The following NHSL1 variants were observed in gnomAD, a reference collection of about 807,000 sequenced individuals.
The protein encoded by NHSL1 is NHS-like protein 1.
In NHSL1, 48 loss-of-function variants were observed where a neutral mutation model predicts 95.0. The ratio of observed to expected loss-of-function variants is 0.51; its 90% confidence interval spans 0.40 to 0.64. The LOEUF is 0.64. Among genes scored for constraint, NHSL1 ranks in the 30% least tolerant of loss-of-function variants. The probability of loss-of-function intolerance (pLI) is 0.00; values close to 1 mark genes in which losing one functional copy is unlikely to be tolerated. For missense variants in NHSL1, 1,971 were observed against 2,077.7 expected, an observed-to-expected ratio of 0.95 and a Z score of 1.00; for synonymous variants, 783 against 833.9, an observed-to-expected ratio of 0.94 and a Z score of 1.05.
At chr6:138,561,923 A>C (rs767567679) in intron 1 of NHSL1, among the ~76,000 whole-genome samples, 7 of 152,220 alleles carry the variant, frequency 4.6e-5, no homozygotes, top group Non-Finnish European at 7.3e-5. Context: ...AGCAAAAACT[A>C]AGTAAATAAA....
At chr6:138,498,837 T>C (rs1780509265) in intron 1 of NHSL1, among the ~76,000 whole-genome samples, 1 of 152,154 alleles carries the variant, frequency 6.6e-6, no homozygotes, top group Non-Finnish European at 1.5e-5. Flanking sequence ...GCTGCATATT[T>C]ATCCAAAGAA....
chr6:138,572,368 G>A (rs1167422506), exon 1 of NHSL1: 1 of 155,078 alleles, frequency 6.4e-6, no homozygotes, highest in Non-Finnish European at 1.4e-5. Context: ...CAGCTGCCCT[G>A]GTGAAGTAAC....
At chr6:138,586,238 G>A (rs1269478461) in intron 1 of NHSL1, among the ~76,000 whole-genome samples, 1 of 151,876 alleles carries the variant, frequency 6.6e-6, no homozygotes, top group Non-Finnish European at 1.5e-5. Context: ...GGAATTACAG[G>A]CACCTACCAC....
chr6:138,620,585 A>C (rs564982187), intron 1 of NHSL1, among the ~76,000 whole-genome samples: 2 of 152,238 alleles, frequency 1.3e-5, no homozygotes, highest in Non-Finnish European at 2.9e-5. Flanking sequence ...AAACAATTTT[A>C]CTAAAAATGT....
chr6:138,423,022 G>C lies in NHSL1; in HGVS notation c.*1059C>G, dbSNP rs187252085. 1.4e-5 allele frequency: 2 copies of C among 145,238 alleles called. No homozygotes were observed. The highest frequency in any genetic ancestry group is 4.1e-4 in the East Asian group (2 of 4,858). The allele number at this position is 145,238 out of a possible 1,614,324, so 9.0% of individuals were successfully genotyped here. A position where few individuals can be genotyped will look rare whatever the true frequency, so the allele number is the denominator to read the frequency against. Reference sequence around the variant, plus strand: ...ACTTTTTCTTTGGTGTAACCAAAAGGATATCCAAAAGTTAGCAAATGTTGA... The same window carrying C: ...ACTTTTTCTTTGGTGTAACCAAAAGCATATCCAAAAGTTAGCAAATGTTGA... On this transcript the variant is annotated 3_prime_UTR_variant, in exon 8 of 8. Coordinates refer to ENST00000343505, the MANE Select transcript of NHSL1 (RefSeq NM_001144060.2).
At chr6:138,425,957 A>G (rs1458417972) in intron 7 of NHSL1, among the ~76,000 whole-genome samples, 1 of 152,196 alleles carries the variant, frequency 6.6e-6, no homozygotes, top group Non-Finnish European at 1.5e-5. Flanking sequence ...CGAAGGGGCA[A>G]TCAAAGAAAG....
intron 3 of NHSL1, among the ~76,000 whole-genome samples, chr6:138,466,474 A>G (rs1023136052): frequency 1.3e-5 from 2 of 152,158 alleles, no homozygotes; most frequent in African/African-American, 4.8e-5. Context: ...TTCAATCCCA[A>G]TCACCTCTAT....
intron 1 of NHSL1, among the ~76,000 whole-genome samples, chr6:138,499,008 A>G (rs1243604882): frequency 6.6e-6 from 1 of 152,200 alleles, no homozygotes; most frequent in Non-Finnish European, 1.5e-5. Flanking sequence ...ATACTGTCCT[A>G]GAGTTACAAA....
intron 3 of NHSL1, among the ~76,000 whole-genome samples, chr6:138,470,313 AG>A (rs1778668571): frequency 1.3e-5 from 2 of 152,162 alleles, no homozygotes; most frequent in Non-Finnish European, 2.9e-5. Context: ...TTTTTGAGAA[AG>A]GGTCTCACCC....
At chr6:138,496,516 C>A (rs1780363566) in intron 1 of NHSL1, 145 bp from the exon 2 acceptor site, 2 of 776,990 alleles carry the variant, frequency 2.6e-6, no homozygotes, top group East Asian at 5.4e-5. Flanking sequence ...TAGTTTTAAT[C>A]TTAGATTCCA....
chr6:138,646,661 G>A (rs1477501894), intron 1 of NHSL1, among the ~76,000 whole-genome samples: 3 of 152,144 alleles, frequency 2.0e-5, no homozygotes, highest in African/African-American at 7.2e-5. Context: ...GAGGGTAAGG[G>A]GTGAGGGGTA....
chr6:138,654,415 C>T (rs901483852), intron 1 of NHSL1, among the ~76,000 whole-genome samples: 4 of 152,156 alleles, frequency 2.6e-5, no homozygotes, highest in African/African-American at 9.7e-5. Context: ...TCCTTTGACC[C>T]AGCAATTCTT....
intron 1 of NHSL1, among the ~76,000 whole-genome samples, chr6:138,683,892 C>T (rs1785545626): frequency 6.6e-6 from 1 of 152,150 alleles, no homozygotes; most frequent in South Asian, 2.1e-4. Context: ...CAGCATTCGT[C>T]GACAGCATCA....
chr6:138,557,033 A>AT (rs1783218173), intron 1 of NHSL1, among the ~76,000 whole-genome samples: 1 of 152,170 alleles, frequency 6.6e-6, no homozygotes. Context: ...AGTAAGTGAA[A>AT]CAAAGCAGTA....
chr6:138,428,175 G>A lies in NHSL1; in HGVS notation c.4085+1536C>T, dbSNP rs73570998. On this transcript the variant is annotated intron_variant, in intron 7 of 7. Transcript: ENST00000343505. ...AGTATCGAGTACACAGAACAACCAG[G>A]CTACGCAAATCTTCTCTGTGGATGG... Among the ~76,000 whole-genome samples the A allele has an allele frequency of 3.9e-3, 601 of 152,256 alleles. 4 individuals carry two copies. The highest frequency in any genetic ancestry group is 0.014 in the African/African-American group (562 of 41,544).
intron 1 of NHSL1, chr6:138,650,294 C>T (rs1583466032): frequency 2.8e-6 from 2 of 709,254 alleles, no homozygotes; most frequent in Middle Eastern, 2.5e-4. Flanking sequence ...GCTGGCCCTA[C>T]ATACTCAGGT....
intron 2 of NHSL1, among the ~76,000 whole-genome samples, chr6:138,483,881 G>T (rs74441104): frequency 0.012 from 1,880 of 152,194 alleles, 51 homozygotes; most frequent in African/African-American, 0.042. Context: ...GCTTGAAGGG[G>T]TACTGTAACT....
intron 5 of NHSL1, among the ~76,000 whole-genome samples, chr6:138,434,301 C>T (rs1009310530): frequency 1.1e-4 from 17 of 151,986 alleles, no homozygotes; most frequent in Non-Finnish European, 1.3e-4. Flanking sequence ...CAACAGCAAT[C>T]TGTTGTGTTC....
In NHSL1 at chr6:138,430,355, G is replaced by C; in HGVS notation, c.3952+38C>G. ...TATCTGGTTCAGCTGCATATGGGCA[G>C]AGGGCACAGGAGAGAGAAGCCAGGA... On this transcript the variant is annotated intron_variant, in intron 6 of 7. Transcript: ENST00000343505. This position sits in a 1 kb window ranked among gnomAD's most constrained non-coding sequence, Gnocchi z 4.7. 4.2e-6 allele frequency: 6 copies of C among 1,439,792 alleles called. No homozygotes were observed. The South Asian group carries it at 8.0e-5, about 19-fold the overall frequency. The allele number at this position is 1,439,792 out of a possible 1,614,324, so 89.2% of individuals were successfully genotyped here. A position where few individuals can be genotyped will look rare whatever the true frequency, so the allele number is the denominator to read the frequency against.
Sources: allele counts gnomAD v4.1 joint callset (sites outside exome capture counted in the v4.1 genomes callset), GRCh38; gene constraint gnomAD v4.1.1; non-coding constraint Gnocchi (gnomAD v3.1); transcripts MANE v1.5; gene names NCBI Gene and HGNC (gene_info 2026-07-23, HGNC 2026-07-21).